CTNNA2: variants seen among roughly 807,000 people sequenced by gnomAD.
CTNNA2 encodes catenin alpha-2.
In CTNNA2, 42 loss-of-function variants were observed where a neutral mutation model predicts 101.0. The observed-to-expected ratio is 0.42, with a 90% CI of 0.32 to 0.54. CTNNA2 has a LOEUF of 0.54. CTNNA2 is among the 20% of genes least tolerant of loss of function. The probability of loss-of-function intolerance (pLI) is 0.14; values close to 1 mark genes in which losing one functional copy is unlikely to be tolerated. For synonymous variants in CTNNA2, 450 were observed against 456.4 expected (o/e 0.99, Z 0.18); for missense variants, 871 against 1,223.1 (o/e 0.71, Z 4.29).
intron 4 of CTNNA2, among the ~76,000 whole-genome samples, chr2:79,412,270 A>G (rs903691079): frequency 6.6e-6 from 1 of 152,086 alleles, no homozygotes; most frequent in Non-Finnish European, 1.5e-5. Context: ...CAACAAAGAG[A>G]CTTAGACTCC....
At chr2:80,389,670 A>G (rs746803034) in intron 7 of CTNNA2, among the ~76,000 whole-genome samples, 4 of 152,206 alleles carry the variant, frequency 2.6e-5, no homozygotes, top group Non-Finnish European at 5.9e-5. Flanking sequence ...TTGACAAGCT[A>G]CTATTGTTAT....
chr2:79,568,858 C>CAAA (rs540965419), intron 1 of CTNNA2, among the ~76,000 whole-genome samples: 23 of 68,956 alleles, frequency 3.3e-4, no homozygotes, highest in African/African-American at 8.1e-4. Flanking sequence ...TCTGTTTCTA[C>CAAA]AAAAAAAAAA....
At chr2:80,075,934 C>T (rs944187736) in intron 7 of CTNNA2, among the ~76,000 whole-genome samples, 3 of 151,400 alleles carry the variant, frequency 2.0e-5, no homozygotes, top group Non-Finnish European at 2.9e-5. Context: ...GCATGTGTAC[C>T]GAATGGCTGG....
At chr2:80,603,173 G>A (rs1010160190) in intron 15 of CTNNA2, among the ~76,000 whole-genome samples, 3 of 151,906 alleles carry the variant, frequency 2.0e-5, no homozygotes, top group Non-Finnish European at 2.9e-5. Flanking sequence ...GTTAATTAAC[G>A]ATGCTAAAAA....
At chr2:79,659,461 A>G (rs1280890122) in intron 2 of CTNNA2, among the ~76,000 whole-genome samples, 3 of 152,174 alleles carry the variant, frequency 2.0e-5, no homozygotes, top group Admixed American at 1.3e-4. Flanking sequence ...TAAGTTGTGC[A>G]TGCATTTTTG....
intron 4 of CTNNA2, among the ~76,000 whole-genome samples, chr2:79,862,574 A>G (rs1681704008): frequency 6.6e-6 from 1 of 152,222 alleles, no homozygotes; most frequent in African/African-American, 2.4e-5. Flanking sequence ...TGTCATAGCT[A>G]TCACAGTATT....
chr2:79,383,189 C>T (rs1470028074), intron 4 of CTNNA2, among the ~76,000 whole-genome samples: 1 of 152,140 alleles, frequency 6.6e-6, no homozygotes, highest in Admixed American at 6.5e-5. Flanking sequence ...GATAAAGTGC[C>T]TTTCAGAATA....
At chr2:80,135,279 T>C (rs1702630882) in intron 7 of CTNNA2, among the ~76,000 whole-genome samples, 1 of 152,166 alleles carries the variant, frequency 6.6e-6, no homozygotes, top group Non-Finnish European at 1.5e-5. Flanking sequence ...CAGGAAGGCC[T>C]GACAAATGGA....
At chr2:80,115,575 A>G (rs1230591402) in intron 7 of CTNNA2, among the ~76,000 whole-genome samples, 1 of 152,216 alleles carries the variant, frequency 6.6e-6, no homozygotes, top group Non-Finnish European at 1.5e-5. Context: ...ATCTTAAAGC[A>G]TGGTAACGAG....
chr2:80,409,487 T>C (rs1679371065), intron 8 of CTNNA2, among the ~76,000 whole-genome samples: 1 of 151,832 alleles, frequency 6.6e-6, no homozygotes, highest in Admixed American at 6.6e-5. Flanking sequence ...TAGTTGGGAG[T>C]TGAGACAGTG....
chr2:80,374,680 T>TGTGTGTGA (rs1180825178), intron 7 of CTNNA2, among the ~76,000 whole-genome samples: 1 of 127,556 alleles, frequency 7.8e-6, no homozygotes, highest in African/African-American at 3.7e-5. Context: ...CGTGCGTGCG[T>TGTGTGTGA]GCGTGTGTGT....
At chr2:80,051,529 C>G (rs1465673822) in intron 7 of CTNNA2, among the ~76,000 whole-genome samples, 1 of 152,062 alleles carries the variant, frequency 6.6e-6, no homozygotes, top group African/African-American at 2.4e-5. Flanking sequence ...AAGTGGTATA[C>G]CAGCACATTT....
chr2:79,579,671 A>G (rs990153500), intron 1 of CTNNA2, among the ~76,000 whole-genome samples: 1 of 152,050 alleles, frequency 6.6e-6, no homozygotes, highest in African/African-American at 2.4e-5. Flanking sequence ...CTGGAGTGCC[A>G]TGGCACGATC....
chr2:79,435,174 G>A (rs929360246), intron 4 of CTNNA2, among the ~76,000 whole-genome samples: 2 of 152,150 alleles, frequency 1.3e-5, no homozygotes, highest in East Asian at 3.9e-4. Flanking sequence ...TGGTGGTGGG[G>A]GAGAAGTATG....
At chr2:80,372,097 A>G (rs906990586) in intron 7 of CTNNA2, among the ~76,000 whole-genome samples, 1 of 152,126 alleles carries the variant, frequency 6.6e-6, no homozygotes, top group Non-Finnish European at 1.5e-5. Flanking sequence ...ATTTTGAAGG[A>G]ATCATCTCCC....
intron 2 of CTNNA2, among the ~76,000 whole-genome samples, chr2:79,743,851 T>C (rs1280337680): frequency 1.3e-5 from 2 of 152,182 alleles, no homozygotes; most frequent in South Asian, 2.1e-4. Flanking sequence ...ACCATTTTAT[T>C]TGTATAAGAT....
At chr2:80,573,398 C>T (rs930578457) in intron 12 of CTNNA2, 14 of 152,094 alleles carry the variant, frequency 9.2e-5, no homozygotes, top group Non-Finnish European at 1.8e-4. Flanking sequence ...CTTTCACATC[C>T]GGGTGGTCCT....
chr2:80,183,136 A>T (rs1328347920), intron 7 of CTNNA2, among the ~76,000 whole-genome samples: 6 of 152,160 alleles, frequency 3.9e-5, no homozygotes, highest in African/African-American at 1.4e-4. Flanking sequence ...TCCCACCGCT[A>T]AATGTCAATA....
rs1359164684 is a variant in CTNNA2, at chr2:80,546,038, A to C, written c.1515A>C (p.Ser505=). The C allele has an allele frequency of 3.7e-6, 6 of 1,613,902 alleles. No individual in the cohort carries two copies. The African/African-American group carries it at 5.3e-5, about 14-fold the overall frequency. The part of the protein sequence containing the change: ...VLTEAVDDIT[S]VDDFLSVSEN... ...CAGAGGCCGTGGATGACATCACCTC[A>C]GTGGATGACTTCCTCTCTGTCTCAG... is the stretch of plus-strand genomic sequence containing the variant. The change falls in exon 11 of 19, where the codon TCA becomes TCC. Residue 505 remains serine (S), a synonymous_variant. Transcript: ENST00000402739.
Sources: allele counts gnomAD v4.1 joint callset (sites outside exome capture counted in the v4.1 genomes callset), GRCh38; gene constraint gnomAD v4.1.1; transcripts MANE v1.5; gene names NCBI Gene and HGNC (gene_info 2026-07-23, HGNC 2026-07-21).